The following PTCD1 variants were observed in gnomAD, a reference collection of about 807,000 sequenced individuals.
PTCD1 encodes the protein pentatricopeptide repeat-containing protein 1, mitochondrial.
A neutral mutation model predicts 53.4 loss-of-function variants in PTCD1; 50 were observed. The observed-to-expected ratio is 0.94, with a 90% CI of 0.75 to 1.19. The LOEUF (loss-of-function observed/expected upper bound fraction) is 1.19, where lower values mean the gene tolerates loss of function less well. PTCD1 is among the 50% of genes most tolerant of loss of function. The pLI is 0.00. For synonymous variants in PTCD1, 413 were observed against 394.8 expected (o/e 1.05, Z -0.55); for missense variants, 918 against 904.8 (o/e 1.01, Z -0.19).
At chr7:99,424,258 G>A (rs1795933433) in intron 6 of PTCD1, among the ~76,000 whole-genome samples, 1 of 152,202 alleles carries the variant, frequency 6.6e-6, no homozygotes, top group Non-Finnish European at 1.5e-5. Flanking sequence ...TTCCTGTGAC[G>A]CACGGTCACC....
rs764526873 is a variant in PTCD1 at position 99,424,871 on chromosome 7, T to A, written c.1661A>T (p.Asn554Ile). 9 of 1,614,222 alleles carry A rather than the reference T, an allele frequency of 5.6e-6. No individual in the cohort carries two copies. Among genetic ancestry groups the A allele is most frequent in the Non-Finnish European group, 7.6e-6 (9 of 1,180,046 alleles). The change falls in exon 6 of 8, where the codon AAC becomes ATC. Residue 554 changes from asparagine to isoleucine, a missense_variant. Coordinates refer to ENST00000292478, the MANE Select transcript of PTCD1 (RefSeq NM_015545.4). Reference protein sequence around the residue: ...PVLAKRGLVPNLQTFCNLAIG... With the variant: ...PVLAKRGLVPILQTFCNLAIG... ...GGCCAGGTTGCAGAATGTCTGCAGG[T>A]TGGGGACGAGGCCCCTCTTTGCCAG...
rs1160968893 is a variant in PTCD1, at chr7:99,418,697, C to G, written c.*1270G>C. Reference sequence around the variant, plus strand: ...GCAGAAGCCCCCTTCCTCTGAGTGCCCAGATTCCACAAGGAGTCCAGGTCA... The same window carrying G: ...GCAGAAGCCCCCTTCCTCTGAGTGCGCAGATTCCACAAGGAGTCCAGGTCA... On this transcript the variant is annotated 3_prime_UTR_variant, in exon 8 of 8. Coordinates refer to ENST00000292478, the MANE Select transcript of PTCD1 (RefSeq NM_015545.4). The G allele has an allele frequency of 6.6e-6, 1 of 152,448 alleles. No homozygotes were observed. The highest frequency in any genetic ancestry group is 1.5e-5 in the Non-Finnish European group (1 of 68,242). 9.4% of individuals were successfully genotyped at this position (152,448 alleles called of 1,614,324 possible).
At chr7:99,436,748 G>A (rs1584470291) in intron 1 of PTCD1, among the ~76,000 whole-genome samples, 2 of 152,206 alleles carry the variant, frequency 1.3e-5, no homozygotes, top group South Asian at 2.1e-4. Context: ...TCCATGTAAC[G>A]CATTGATGAT....
chr7:99,424,096 A>C (rs1795930405), intron 6 of PTCD1, 139 bp from the exon 7 acceptor site: 1 of 1,218,296 alleles, frequency 8.2e-7, no homozygotes, highest in Non-Finnish European at 1.2e-6. Flanking sequence ...CAATGTGCTG[A>C]ATATCCCTCT....
intron 7 of PTCD1, among the ~76,000 whole-genome samples, chr7:99,420,568 A>G (rs1324814615): frequency 2.0e-5 from 3 of 152,252 alleles, no homozygotes; most frequent in Admixed American, 6.5e-5. Context: ...TGGGGAAAAA[A>G]GCAAAGACAC....
Position 99,429,702 on chromosome 7 carries a change from C to T in PTCD1, c.699G>A (p.Lys233=). The T allele has an allele frequency of 1.2e-6, 2 of 1,614,198 alleles. No individual in the cohort carries two copies. The highest frequency in any genetic ancestry group is 1.7e-6 in the Non-Finnish European group (2 of 1,180,020). The change falls in exon 4 of 8, where the codon AAG becomes AAA. Residue 233 remains lysine (K), a synonymous_variant. Coordinates refer to ENST00000292478, the MANE Select transcript of PTCD1 (RefSeq NM_015545.4). The part of the protein sequence containing the change: ...WKDSALQSAL[K]LRQQLQAKNF... ...TTTTGGCCTGCAGCTGCTGCCGGAG[C>T]TTCAGGGCGCTCTGTAGAGCTGAGT...
chr7:99,426,806 T>C (rs1204222895), intron 5 of PTCD1, among the ~76,000 whole-genome samples: 2 of 146,778 alleles, frequency 1.4e-5, no homozygotes, highest in Non-Finnish European at 3.0e-5. Flanking sequence ...GTCTGAGATG[T>C]GGGGAGCGCC....
intron 6 of PTCD1, 22 bp from the exon 7 acceptor site, chr7:99,423,979 G>A: frequency 6.2e-7 from 1 of 1,611,976 alleles, no homozygotes; most frequent in South Asian, 1.1e-5. Flanking sequence ...GGACATCGTA[G>A]AATCAAGATG....
At chr7:99,424,362 C>A (rs186684097) in intron 6 of PTCD1, among the ~76,000 whole-genome samples, 209 of 152,288 alleles carry the variant, frequency 1.4e-3, no homozygotes, top group Non-Finnish European at 2.4e-3. Flanking sequence ...CTGGGGACAC[C>A]GACAACCCAG....
At chr7:99,427,321 C>T (rs766674916) in intron 5 of PTCD1, among the ~76,000 whole-genome samples, 1,702 of 147,528 alleles carry the variant, frequency 0.012, 4 homozygotes, top group Non-Finnish European at 0.019. Flanking sequence ...GTCAGCCCCC[C>T]GCCCGGCCAG....
intron 1 of PTCD1, among the ~76,000 whole-genome samples, chr7:99,438,066 A>C (rs1796558423): frequency 6.6e-6 from 1 of 152,172 alleles, no homozygotes; most frequent in African/African-American, 2.4e-5. Flanking sequence ...GCTATACTTC[A>C]CATAGAGAAA....
rs994939832 is a variant in PTCD1 at position 99,418,803 on chromosome 7, T to A, written c.*1164A>T. On this transcript the variant is annotated 3_prime_UTR_variant, in exon 8 of 8. Coordinates refer to ENST00000292478, the MANE Select transcript of PTCD1 (RefSeq NM_015545.4). ...GACTTACCTGGGTTTCACCAGAGGA[T>A]CCTGTTTACTTAAACTATGGTCTTG... is the stretch of plus-strand genomic sequence containing the variant. The A allele has an allele frequency of 1.0e-4, 16 of 153,036 alleles. No homozygotes were observed. The highest frequency in any genetic ancestry group is 3.9e-4 in the African/African-American group (16 of 41,458). The allele number at this position is 153,036 out of a possible 1,614,324, so 9.5% of individuals were successfully genotyped here.
At position 99,429,213 on chromosome 7, in the gene PTCD1, G is replaced by A. The variant is rs1416998732; in HGVS notation, c.814-9C>T. The A allele has an allele frequency of 6.2e-7, 1 of 1,614,016 alleles. No individual in the cohort carries two copies. The highest frequency in any genetic ancestry group is 8.5e-7 in the Non-Finnish European group (1 of 1,179,936). On this transcript the variant is annotated splice_polypyrimidine_tract_variant and intron_variant, in intron 4 of 7. Transcript: ENST00000292478. ...CCTTTGTGGATGATTTCCTGGGGGA[G>A]GGAACAAAGACGTCCCACTGAGAAC...
chr7:99,429,063 C>G (rs201324484), intron 5 of PTCD1, 40 bp downstream of exon 5: 18 of 1,611,476 alleles, frequency 1.1e-5, no homozygotes, highest in Non-Finnish European at 2.5e-6. Context: ...CCTCTGGCAC[C>G]GGGGAAGCAG....
intron 1 of PTCD1, among the ~76,000 whole-genome samples, chr7:99,437,599 G>A (rs1328603920): frequency 1.3e-5 from 2 of 152,136 alleles, no homozygotes; most frequent in Non-Finnish European, 2.9e-5. Context: ...CACCGCGCCC[G>A]GCCGACTCTA....
chr7:99,421,803 G>A (rs1159123151), intron 7 of PTCD1, among the ~76,000 whole-genome samples: 4 of 152,056 alleles, frequency 2.6e-5, no homozygotes, highest in Non-Finnish European at 5.9e-5. Flanking sequence ...ACAGCAGAGG[G>A]TCCTGACTTT....
Position 99,425,190 on chromosome 7 carries a change from C to G in PTCD1, c.1342G>C (p.Val448Leu), listed in dbSNP as rs200408854. The G allele has an allele frequency of 6.2e-7, 1 of 1,613,090 alleles. No homozygotes were observed. Among genetic ancestry groups the G allele is most frequent in the East Asian group, 2.2e-5 (1 of 44,842 alleles). Reference protein sequence around the residue: ...LEVNLLTPGAVPPTVVSFGTV... With the variant: ...LEVNLLTPGALPPTVVSFGTV... ...CCAAAGGAGACCACTGTAGGGGGAACGGCCCCGGGGGTCAGGAGGTTGACT... is the reference window on the plus strand; with the variant it reads ...CCAAAGGAGACCACTGTAGGGGGAAGGGCCCCGGGGGTCAGGAGGTTGACT... Residue 448 changes from valine (V) to leucine (L), a missense_variant, in exon 6 of 8, where the codon GTT becomes CTT. Transcript: ENST00000292478.
rs759346138 is a variant in PTCD1 at position 99,420,054 on chromosome 7, G to T, written c.2016C>A (p.His672Gln). ...GCTTGGTCCGGAACTTCTGCCAGGGGTGCGGGGTTTCCTCTGCGGGCATCA... is the reference window on the plus strand; with the variant it reads ...GCTTGGTCCGGAACTTCTGCCAGGGTTGCGGGGTTTCCTCTGCGGGCATCA... ...LTVMPAEETP[H>Q]PWQKFRTKPQ... Residue 672 changes from histidine (H) to glutamine (Q), a missense_variant, in exon 8 of 8, where the codon CAC becomes CAA. Transcript: ENST00000292478. 6.2e-7 allele frequency: 1 copy of T among 1,614,220 alleles called. No individual in the cohort carries two copies. Among genetic ancestry groups the T allele is most frequent in the South Asian group, 1.1e-5 (1 of 91,088 alleles).
At chr7:99,432,341 G>T (rs368587238) in intron 3 of PTCD1, among the ~76,000 whole-genome samples, 1 of 152,200 alleles carries the variant, frequency 6.6e-6, no homozygotes, top group Admixed American at 6.5e-5. Flanking sequence ...GGCGAAAACC[G>T]CCTCAGGGCT....
Sources: allele counts gnomAD v4.1 joint callset (sites outside exome capture counted in the v4.1 genomes callset), GRCh38; gene constraint gnomAD v4.1.1; transcripts MANE v1.5; gene names NCBI Gene and HGNC (gene_info 2026-07-23, HGNC 2026-07-21).